The following DGCR2 variants were observed in gnomAD, a reference collection of about 807,000 sequenced individuals.
The protein encoded by DGCR2 is DiGeorge syndrome critical region gene 2.
Under a neutral mutation model 51.6 loss-of-function variants are expected in DGCR2, and 24 were observed. That is an observed-to-expected ratio of 0.47 (90% confidence interval 0.34 to 0.65). The LOEUF (loss-of-function observed/expected upper bound fraction) is 0.65, where lower values mean the gene tolerates loss of function less well. Among genes scored for constraint, DGCR2 ranks in the 30% least tolerant of loss-of-function variants. The pLI is 0.01. For synonymous variants in DGCR2, 340 were observed against 315.4 expected (o/e 1.08, Z -0.82); for missense variants, 765 against 772.1 (o/e 0.99, Z 0.11).
rs564470110 is a variant in DGCR2 at position 19,047,894 on chromosome 22, A to C, written c.1006+546T>G. Reference sequence around the variant, plus strand: ...GAACAGGAAGAGCTCCAATGTGGACATAAATTAGAAGTCTAGGCTGGACGC... The same window carrying C: ...GAACAGGAAGAGCTCCAATGTGGACCTAAATTAGAAGTCTAGGCTGGACGC... On this transcript the variant is annotated intron_variant, in intron 7 of 9. Coordinates refer to ENST00000263196, the MANE Select transcript of DGCR2 (RefSeq NM_005137.3). 2.5e-5 allele frequency: 4 copies of C among 160,726 alleles called. No homozygotes were observed. In the South Asian group the frequency reaches 7.1e-4, roughly 29 times the overall value. 10.0% of individuals were successfully genotyped at this position (160,726 alleles called of 1,614,324 possible).
chr22:19,044,996 GT>G (rs55987327), intron 7 of DGCR2, among the ~76,000 whole-genome samples: 75,059 of 151,834 alleles, frequency 0.49, 19,645 homozygotes, highest in African/African-American at 0.68. Context: ...AAATTTGTCT[GT>G]TTTTTTTAAG....
intron 9 of DGCR2, 91 bp downstream of exon 9, chr22:19,040,967 T>G: frequency 8.5e-7 from 1 of 1,178,796 alleles, no homozygotes; most frequent in South Asian, 1.5e-5. Context: ...GTGAGGTCCC[T>G]AGGCCTCTGC....
At position 19,043,112 on chromosome 22, in the gene DGCR2, T is replaced by C. The variant is rs565656405; in HGVS notation, c.1007-1153A>G. ...AGTAGGCAGGAGGGGCCATGAAGCT[T>C]GAAGCTGAGTCCCAGCCAGGCTAGA... On this transcript the variant is annotated intron_variant, in intron 7 of 9. Transcript: ENST00000263196. Among the ~76,000 whole-genome samples the C allele has an allele frequency of 6.8e-4, 104 of 152,340 alleles. No individual in the cohort carries two copies. In the South Asian group the frequency reaches 0.012, roughly 18 times the overall value.
Position 19,041,965 on chromosome 22 carries a change from G to A in DGCR2, c.1007-6C>T, listed in dbSNP as rs760142055. 1.9e-6 allele frequency: 3 copies of A among 1,611,318 alleles called. No homozygotes were observed. The highest frequency in any genetic ancestry group is 2.2e-5 in the East Asian group (1 of 44,816). On this transcript the variant is annotated splice_polypyrimidine_tract_variant and splice_region_variant and intron_variant, in intron 7 of 9. Transcript: ENST00000263196. ...GTCAAACAGACTGTTGCCATCTGAG[G>A]GGGAGGGGAGGAAATGGCCGCTCTG...
intron 2 of DGCR2, among the ~76,000 whole-genome samples, chr22:19,083,711 CT>C: frequency 7.7e-6 from 1 of 130,446 alleles, no homozygotes; most frequent in South Asian, 3.0e-4. Context: ...CCCTCCCCCT[CT>C]CCCTCTCCCC....
intron 2 of DGCR2, among the ~76,000 whole-genome samples, chr22:19,080,914 T>C (rs1672273149): frequency 6.6e-6 from 1 of 152,124 alleles, no homozygotes; most frequent in Admixed American, 6.5e-5. Flanking sequence ...GGAATGCGAG[T>C]GCCAAGAGAA....
In DGCR2 at chr22:19,038,901, G is replaced by A; in HGVS notation, c.1617C>T (p.Gly539=). 1 of 1,612,820 alleles carries A rather than the reference G, an allele frequency of 6.2e-7. No individual in the cohort carries two copies. Among genetic ancestry groups the A allele is most frequent in the Non-Finnish European group, 8.5e-7 (1 of 1,179,892 alleles). Residue 539 remains glycine (G), a synonymous_variant, in exon 10 of 10, where the codon GGC becomes GGT. Coordinates refer to ENST00000263196, the MANE Select transcript of DGCR2 (RefSeq NM_005137.3). ...TATTGAGGGAGCTGCGGCTGTGGCG[G>A]CCACCCCCTGGCAGTGCCTCTGCAG... ...TPAAEALPGG[G]RHSRSSLNTV... is the part of the protein sequence containing the mutation.
intron 2 of DGCR2, among the ~76,000 whole-genome samples, chr22:19,075,812 T>C (rs2082869532): frequency 6.6e-6 from 1 of 152,246 alleles, no homozygotes; most frequent in African/African-American, 2.4e-5. Flanking sequence ...ACTACCTTGT[T>C]GTTGATCCAT....
chr22:19,089,244 C>T (rs2083051146), intron 2 of DGCR2, 124 bp downstream of exon 2: 6 of 1,090,310 alleles, frequency 5.5e-6, no homozygotes, highest in East Asian at 2.9e-5. Context: ...AGGAAGGGGT[C>T]GGCTCAAACT....
chr22:19,096,896 A>AAAC (rs1569080186), intron 1 of DGCR2, among the ~76,000 whole-genome samples: 2 of 98,684 alleles, frequency 2.0e-5, no homozygotes, highest in African/African-American at 1.4e-4. Flanking sequence ...AAAAAAAACA[A>AAAC]AAAAAAAAAA....
At chr22:19,062,773 A>ATTTTCTCTC (rs1248707469) in intron 5 of DGCR2, among the ~76,000 whole-genome samples, 1 of 113,172 alleles carries the variant, frequency 8.8e-6, no homozygotes, top group Non-Finnish European at 2.0e-5. Flanking sequence ...ACACACATGC[A>ATTTTCTCTC]TGCTCACTCT....
At chr22:19,040,567 T>G (rs1168040724) in intron 9 of DGCR2, among the ~76,000 whole-genome samples, 3 of 152,192 alleles carry the variant, frequency 2.0e-5, no homozygotes, top group African/African-American at 4.8e-5. Flanking sequence ...GGTGGTAGGC[T>G]CCAACTATGG....
chr22:19,122,196 T>A lies in DGCR2; in HGVS notation c.11A>T (p.Lys4Met). MVPKADSGAFLLLF... is the reference protein window; with the variant it reads MVPMADSGAFLLLF... ...CAGCAGGAAGGCGCCGCTGTCTGCC[T>A]TGGGCACCATTTATCCTCCGTTCAT... The change falls in exon 1 of 10, where the codon AAG becomes ATG. Residue 4 changes from lysine (K) to methionine (M), a missense_variant. Physicochemically the swap from Lys to Met is moderately conservative, Grantham distance 95. Transcript: ENST00000263196. 1.3e-6 allele frequency: 2 copies of A among 1,507,520 alleles called. No homozygotes were observed. The highest frequency in any genetic ancestry group is 2.9e-5 in the East Asian group (1 of 34,254). The allele number at this position is 1,507,520 out of a possible 1,614,324, so 93.4% of individuals were successfully genotyped here. A position where few individuals can be genotyped will look rare whatever the true frequency, so the allele number is the denominator to read the frequency against.
In DGCR2 at chr22:19,048,609, C is replaced by G; in HGVS notation, c.837G>C (p.Val279=). 4 of 1,614,252 alleles carry G rather than the reference C, an allele frequency of 2.5e-6. No individual in the cohort carries two copies. The highest frequency in any genetic ancestry group is 3.4e-6 in the Non-Finnish European group (4 of 1,180,044). The change falls in exon 7 of 10, where the codon GTG becomes GTC. Residue 279 remains valine (V), a synonymous_variant. Transcript: ENST00000263196. ...QTCVDIKDNV[V]DEGFYFTPKG... ...TAGGGGTGAAGTAGAACCCTTCATC[C>G]ACCACGTTGTCCTTGATGTCAACAC...
At chr22:19,062,032 C>A (rs2082668935) in intron 5 of DGCR2, among the ~76,000 whole-genome samples, 1 of 152,202 alleles carries the variant, frequency 6.6e-6, no homozygotes, top group Non-Finnish European at 1.5e-5. Context: ...GCTGTCATCC[C>A]ACTCAGAATC....
At chr22:19,048,779 G>A (rs1883948090) in intron 6 of DGCR2, 136 bp from the exon 7 acceptor site, 13 of 804,622 alleles carry the variant, frequency 1.6e-5, no homozygotes, top group Non-Finnish European at 2.7e-5. Flanking sequence ...GAATGGGAAG[G>A]AGGCAGCTGG....
At chr22:19,113,334 C>A (rs2083337115) in intron 1 of DGCR2, among the ~76,000 whole-genome samples, 1 of 151,938 alleles carries the variant, frequency 6.6e-6, no homozygotes. Context: ...CACCCCACTG[C>A]ACTCCAGCCT....
chr22:19,040,733 G>A (rs1439494973), intron 9 of DGCR2, among the ~76,000 whole-genome samples: 8 of 125,090 alleles, frequency 6.4e-5, no homozygotes, highest in Non-Finnish European at 1.5e-4. Context: ...AACCACCACT[G>A]TCGGGCTCCC....
chr22:19,077,902 T>C (rs973596037), intron 2 of DGCR2, among the ~76,000 whole-genome samples: 1 of 151,992 alleles, frequency 6.6e-6, no homozygotes, highest in Non-Finnish European at 1.5e-5. Flanking sequence ...GATCTCAGCT[T>C]ACTGCAATCT....
Sources: allele counts gnomAD v4.1 joint callset (sites outside exome capture counted in the v4.1 genomes callset), GRCh38; gene constraint gnomAD v4.1.1; transcripts MANE v1.5; gene names NCBI Gene and HGNC (gene_info 2026-07-23, HGNC 2026-07-21).